MVB12B: variants seen among roughly 807,000 people sequenced by gnomAD.
MVB12B encodes multivesicular body subunit 12B, also known as ESCRT-I complex subunit MVB12B.
MVB12B carries 16 observed loss-of-function variants against 41.6 expected under a neutral mutation model. That is an observed-to-expected ratio of 0.38 (90% CI 0.26 to 0.58). MVB12B has a LOEUF of 0.58. Among genes scored for constraint, MVB12B ranks in the 20% least tolerant of loss-of-function variants. The pLI, the probability that MVB12B is intolerant of heterozygous loss-of-function variation, is 0.62. For missense variants in MVB12B, 274 were observed against 380.2 expected, an observed-to-expected ratio of 0.72 and a Z score of 2.32; for synonymous variants, 133 against 139.7, an observed-to-expected ratio of 0.95 and a Z score of 0.34.
At position 126,395,971 on chromosome 9, in the gene MVB12B, G is replaced by T; in HGVS notation, c.662+274G>T. Reference sequence around the variant, plus strand: ...CTTAAAATTGGCTCCCTATTCAAAAGAGCTGCTAGCTACACACAGACACGT... The same window carrying T: ...CTTAAAATTGGCTCCCTATTCAAAATAGCTGCTAGCTACACACAGACACGT... On this transcript the variant is annotated intron_variant, in intron 6 of 9. Transcript: ENST00000361171. The surrounding 1 kb of genome is among the most constrained non-coding windows in gnomAD (Gnocchi z 4.9). 8.0e-7 allele frequency: 1 copy of T among 1,254,716 alleles called. No homozygotes were observed. Among genetic ancestry groups the T allele is most frequent in the Non-Finnish European group, 1.0e-6 (1 of 994,788 alleles). The allele number at this position is 1,254,716 out of a possible 1,614,324, so 77.7% of individuals were successfully genotyped here.
At position 126,395,666 on chromosome 9, in the gene MVB12B, G is replaced by C; in HGVS notation, c.631G>C (p.Ala211Pro). 1 of 1,614,146 alleles carries C rather than the reference G, an allele frequency of 6.2e-7. No individual in the cohort carries two copies. The highest frequency in any genetic ancestry group is 8.5e-7 in the Non-Finnish European group (1 of 1,180,020). The stretch of plus-strand genomic sequence containing the variant: ...ACCCACAACGCCTTCCCAGTCATCA[G>C]CTGCCTCCACCCCAGCCCCCAACCT... ...SQPTTPSQSS[A>P]ASTPAPNLPR... is the part of the protein sequence containing the mutation. Residue 211 changes from alanine to proline, a missense_variant, in exon 6 of 10, where the codon GCT (alanine) becomes CCT (proline). Physicochemically the swap from Ala to Pro is conservative, Grantham distance 27 (BLOSUM62 -1). Coordinates refer to ENST00000361171, the MANE Select transcript of MVB12B (RefSeq NM_033446.3). This position sits in a 1 kb window ranked among gnomAD's most constrained non-coding sequence, Gnocchi z 4.9.
chr9:126,327,704 C>G (rs1273784171), intron 1 of MVB12B, among the ~76,000 whole-genome samples: 1 of 152,174 alleles, frequency 6.6e-6, no homozygotes, highest in Non-Finnish European at 1.5e-5. Flanking sequence ...GGGGTAGACC[C>G]AAGAGCATCT....
intron 7 of MVB12B, among the ~76,000 whole-genome samples, chr9:126,443,373 A>G (rs920817059): frequency 6.6e-6 from 1 of 152,176 alleles, no homozygotes; most frequent in African/African-American, 2.4e-5. Context: ...GCCTCAGGGT[A>G]GGAGGGACTG....
chr9:126,402,574 C>T (rs1253233491), intron 6 of MVB12B, among the ~76,000 whole-genome samples: 1 of 152,118 alleles, frequency 6.6e-6, no homozygotes, highest in Non-Finnish European at 1.5e-5. Flanking sequence ...GCCCGGAAAT[C>T]AAGGCTGCAG....
At chr9:126,479,892 TTTC>T (rs1833491613) in intron 7 of MVB12B, among the ~76,000 whole-genome samples, 1 of 152,238 alleles carries the variant, frequency 6.6e-6, no homozygotes, top group Non-Finnish European at 1.5e-5. Context: ...CCATTCGGCT[TTTC>T]TTGCTGATTG....
At position 126,367,246 on chromosome 9, in the gene MVB12B, C is replaced by G. The variant is rs1420270057; in HGVS notation, c.205-13818C>G. On this transcript the variant is annotated intron_variant, in intron 2 of 9. Coordinates refer to ENST00000361171, the MANE Select transcript of MVB12B (RefSeq NM_033446.3). The surrounding 1 kb of genome is among the most constrained non-coding windows in gnomAD (Gnocchi z 4.3). ...CTCCTTCCTGCCCGGGGCTCTCCAG[C>G]CACGCTCCCCCTCTTGCTCCCTAGG... is the stretch of plus-strand genomic sequence containing the variant. Among the ~76,000 whole-genome samples, 1 of 152,114 alleles carries G rather than the reference C, an allele frequency of 6.6e-6. No homozygotes were observed. Among genetic ancestry groups the G allele is most frequent in the Non-Finnish European group, 1.5e-5 (1 of 68,024 alleles).
At chr9:126,425,247 G>A (rs1014181225) in intron 7 of MVB12B, among the ~76,000 whole-genome samples, 5 of 152,216 alleles carry the variant, frequency 3.3e-5, no homozygotes, top group South Asian at 2.1e-4. Context: ...GGAAATAGCC[G>A]TGCACTCCTG....
At chr9:126,501,728 G>T (rs1362672563) in intron 9 of MVB12B, among the ~76,000 whole-genome samples, 2 of 152,248 alleles carry the variant, frequency 1.3e-5, no homozygotes, top group African/African-American at 2.4e-5. Flanking sequence ...ATGGTTGGAT[G>T]GCTTTTGGGC....
At chr9:126,412,412 CA>C (rs1339400678) in intron 6 of MVB12B, among the ~76,000 whole-genome samples, 1 of 152,174 alleles carries the variant, frequency 6.6e-6, no homozygotes. Context: ...GCTGCCCCCA[CA>C]ATCCATTCCT....
Position 126,395,940 on chromosome 9 carries a change from A to G in MVB12B, c.662+243A>G, listed in dbSNP as rs992369639. ...CTGCAGGCTTCTAAAATTGCAGATTATGCAACTTAAAATTGGCTCCCTATT... is the reference window on the plus strand; with the variant it reads ...CTGCAGGCTTCTAAAATTGCAGATTGTGCAACTTAAAATTGGCTCCCTATT... On this transcript the variant is annotated intron_variant, in intron 6 of 9. Transcript: ENST00000361171. This position sits in a 1 kb window ranked among gnomAD's most constrained non-coding sequence, Gnocchi z 4.9. The G allele has an allele frequency of 2.6e-5, 34 of 1,314,856 alleles. No homozygotes were observed. Among genetic ancestry groups the G allele is most frequent in the East Asian group, 3.2e-5 (1 of 31,318 alleles). 81.4% of individuals were successfully genotyped at this position (1,314,856 alleles called of 1,614,324 possible). A position where few individuals can be genotyped will look rare whatever the true frequency, so the allele number is the denominator to read the frequency against.
Position 126,340,422 on chromosome 9 carries a change from A to T in MVB12B, c.82-86A>T. On this transcript the variant is annotated intron_variant, in intron 1 of 9. Transcript: ENST00000361171. This position sits in a 1 kb window ranked among gnomAD's most constrained non-coding sequence, Gnocchi z 4.0. ...TGTGAAACTCAGGGTATTTGCCCCA[A>T]GATTCTGGTTCTGTTTGAGACTTTA... 2 of 1,520,260 alleles carry T rather than the reference A, an allele frequency of 1.3e-6. No homozygotes were observed. Among genetic ancestry groups the T allele is most frequent in the Non-Finnish European group, 1.8e-6 (2 of 1,109,074 alleles). The allele number at this position is 1,520,260 out of a possible 1,614,324, so 94.2% of individuals were successfully genotyped here. A position where few individuals can be genotyped will look rare whatever the true frequency, so the allele number is the denominator to read the frequency against.
At chr9:126,413,254 A>C (rs533215986) in intron 6 of MVB12B, among the ~76,000 whole-genome samples, 4 of 152,194 alleles carry the variant, frequency 2.6e-5, no homozygotes, top group Non-Finnish European at 5.9e-5. Context: ...CCCCATCAGC[A>C]TTCAAATCCA....
intron 6 of MVB12B, among the ~76,000 whole-genome samples, chr9:126,419,836 C>T (rs571495612): frequency 1.3e-5 from 2 of 152,316 alleles, no homozygotes; most frequent in Admixed American, 1.3e-4. Context: ...TCAGACTCCC[C>T]AAGGTCAGGG....
At chr9:126,429,137 A>C (rs1588165493) in intron 7 of MVB12B, among the ~76,000 whole-genome samples, 1 of 152,304 alleles carries the variant, frequency 6.6e-6, no homozygotes, top group Non-Finnish European at 1.5e-5. Context: ...ACCAAGGAGG[A>C]AAGAAGTCAT....
chr9:126,349,124 G>A (rs1308911786), intron 2 of MVB12B, among the ~76,000 whole-genome samples: 1 of 152,090 alleles, frequency 6.6e-6, no homozygotes. Flanking sequence ...GAGCCAGGAA[G>A]GGCAGTGTCA....
chr9:126,434,619 T>C (rs1230017067), intron 7 of MVB12B, among the ~76,000 whole-genome samples: 3 of 152,210 alleles, frequency 2.0e-5, no homozygotes, highest in Non-Finnish European at 4.4e-5. Context: ...TGTGTTTACC[T>C]GAAATATGCC....
At chr9:126,385,144 C>T (rs548867628) in intron 3 of MVB12B, among the ~76,000 whole-genome samples, 4 of 152,214 alleles carry the variant, frequency 2.6e-5, no homozygotes, top group African/African-American at 7.2e-5. Flanking sequence ...GCCTCCAGTT[C>T]GATTTGTGAC....
chr9:126,421,812 T>C (rs2286888), intron 6 of MVB12B, 42 bp from the exon 7 acceptor site: 229,008 of 1,472,792 alleles, frequency 0.16, 20,288 homozygotes, highest in East Asian at 0.39. Context: ...TCTTGGGGAA[T>C]GCTCCTTGTA....
At chr9:126,379,171 T>C (rs10124379) in intron 2 of MVB12B, among the ~76,000 whole-genome samples, 94,190 of 152,094 alleles carry the variant, frequency 0.62, 29,636 homozygotes, top group African/African-American at 0.7. Flanking sequence ...TAGGTTCCCT[T>C]ATTCCCTTTG....
Sources: gnomAD v4.1 joint callset for allele counts (sites outside exome capture counted in the v4.1 genomes callset) on GRCh38, gnomAD v4.1.1 for gene constraint, Gnocchi (gnomAD v3.1) non-coding constraint, MANE v1.5 for transcripts, NCBI Gene and HGNC (gene_info 2026-07-23, HGNC 2026-07-21) for gene names.